PCDHA5: variants seen among roughly 807,000 people sequenced by gnomAD.
PCDHA5 encodes the protein protocadherin alpha 5.
Under a neutral mutation model 61.6 loss-of-function variants are expected in PCDHA5, and 43 were observed. The ratio of observed to expected loss-of-function variants is 0.70; its 90% confidence interval spans 0.55 to 0.90. The LOEUF (loss-of-function observed/expected upper bound fraction) is 0.90, where lower values mean the gene tolerates loss of function less well. Among genes scored for constraint, PCDHA5 ranks in the 40% least tolerant of loss-of-function variants. The pLI, the probability that PCDHA5 is intolerant of heterozygous loss-of-function variation, is 0.00. For synonymous variants in PCDHA5, 627 were observed against 543.9 expected, an observed-to-expected ratio of 1.15 and a Z score of -2.13; for missense variants, 1,298 against 1,222.7, an observed-to-expected ratio of 1.06 and a Z score of -0.92.
chr5:140,931,626 A>G (rs1048704969), intron 1 of PCDHA5, among the ~76,000 whole-genome samples: 1 of 152,052 alleles, frequency 6.6e-6, no homozygotes, highest in Non-Finnish European at 1.5e-5. Flanking sequence ...CTTTTTAGGT[A>G]GCTCATTGGT....
At chr5:140,834,797 G>A in intron 1 of PCDHA5, 3 of 1,613,022 alleles carry the variant, frequency 1.9e-6, no homozygotes, top group South Asian at 1.1e-5. Context: ...CGACACAAAG[G>A]AATCTGTTCA....
chr5:140,897,311 C>T (rs1460942002), intron 1 of PCDHA5, among the ~76,000 whole-genome samples: 7 of 150,308 alleles, frequency 4.7e-5, no homozygotes, highest in Non-Finnish European at 7.4e-5. Context: ...TTAGGTATAT[C>T]TCCTAAAGCT....
chr5:140,829,176 A>C lies in PCDHA5; in HGVS notation c.2352+5049A>C. 4.3e-6 allele frequency: 7 copies of C among 1,614,178 alleles called. No homozygotes were observed. In the South Asian group the frequency reaches 6.6e-5, roughly 15 times the overall value. Reference sequence around the variant, plus strand: ...TCCTTATCCTTGCCTGTACGTGAAGACGCTCAATTTGGTACTGTCATCGCC... The same window carrying C: ...TCCTTATCCTTGCCTGTACGTGAAGCCGCTCAATTTGGTACTGTCATCGCC... On this transcript the variant is annotated intron_variant, in intron 1 of 3. Transcript: ENST00000529859.
rs1554181708 is a variant in PCDHA5, at chr5:140,884,544, G to C, written c.2352+60417G>C. 1.9e-6 allele frequency: 3 copies of C among 1,614,222 alleles called. No individual in the cohort carries two copies. In the Admixed American group the frequency reaches 5.0e-5, roughly 27 times the overall value. On this transcript the variant is annotated intron_variant, in intron 1 of 3. Coordinates refer to ENST00000529859, the MANE Select transcript of PCDHA5 (RefSeq NM_018908.3). Reference sequence around the variant, plus strand: ...TCGCAGCAGAGGCGGCCGAGGGTGTGCTCTGGGGAGGGCCCGCATAAGACG... The same window carrying C: ...TCGCAGCAGAGGCGGCCGAGGGTGTCCTCTGGGGAGGGCCCGCATAAGACG...
At chr5:140,842,323 C>T (rs2150334082) in intron 1 of PCDHA5, 26 of 1,607,134 alleles carry the variant, frequency 1.6e-5, no homozygotes, top group Non-Finnish European at 2.2e-5. Flanking sequence ...CGGGTCATTG[C>T]ACCGTTTTAG....
At chr5:140,836,687 C>A (rs2150267868) in intron 1 of PCDHA5, 2 of 1,613,458 alleles carry the variant, frequency 1.2e-6, no homozygotes, top group Non-Finnish European at 1.7e-6. Context: ...CCAAGACAGA[C>A]CTCATGGCCT....
intron 1 of PCDHA5, among the ~76,000 whole-genome samples, chr5:140,886,851 AG>A (rs2061199020): frequency 6.6e-6 from 1 of 151,608 alleles, no homozygotes; most frequent in South Asian, 2.1e-4. Context: ...AAAAAAAGAA[AG>A]GTCTTCCCAA....
At chr5:140,984,031 CAT>C (rs2153832931) in intron 3 of PCDHA5, among the ~76,000 whole-genome samples, 1 of 152,260 alleles carries the variant, frequency 6.6e-6, no homozygotes, top group South Asian at 2.1e-4. Context: ...AGGGGAAAAA[CAT>C]AAAATAGTTC....
At chr5:140,836,920 G>T in intron 1 of PCDHA5, 1 of 542,350 alleles carries the variant, frequency 1.8e-6, no homozygotes. Context: ...TTTTGTTTTG[G>T]GATGCGTAAT....
chr5:140,851,970 CTACCTT>C, intron 1 of PCDHA5: 3 of 977,062 alleles, frequency 3.1e-6, no homozygotes, highest in Non-Finnish European at 2.5e-6. Context: ...TTTCCACACT[CTACCTT>C]TAGTGCAAGC....
At chr5:140,862,549 C>T in intron 1 of PCDHA5, 3 of 457,652 alleles carry the variant, frequency 6.6e-6, no homozygotes, top group South Asian at 5.1e-5. Context: ...TGGAAGTGGC[C>T]GAACAGTGAA....
intron 1 of PCDHA5, chr5:140,850,562 C>T (rs782715661): frequency 6.3e-7 from 1 of 1,598,314 alleles, no homozygotes; most frequent in Non-Finnish European, 8.6e-7. Context: ...CCACGGGCCC[C>T]GAGGTGACGC....
At chr5:140,993,226 T>G (rs1554253487) in intron 3 of PCDHA5, among the ~76,000 whole-genome samples, 1 of 152,204 alleles carries the variant, frequency 6.6e-6, no homozygotes, top group Non-Finnish European at 1.5e-5. Context: ...TTTGGTATGT[T>G]CTCTCTGAAT....
intron 1 of PCDHA5, chr5:140,863,483 G>A: frequency 4.3e-6 from 2 of 464,772 alleles, no homozygotes; most frequent in Non-Finnish European, 8.6e-6. Context: ...CGCCTCCCAA[G>A]GTCAACATTA....
chr5:140,884,935 A>G lies in PCDHA5; in HGVS notation c.2352+60808A>G, dbSNP rs577267570. ...AATAGTTCTAAGTATTTATCTTGCA[A>G]TTGAGCATTTACAAAAAATTCCTCA... On this transcript the variant is annotated intron_variant, in intron 1 of 3. Coordinates refer to ENST00000529859, the MANE Select transcript of PCDHA5 (RefSeq NM_018908.3). Among the ~76,000 whole-genome samples, 4 of 152,344 alleles carry G rather than the reference A, an allele frequency of 2.6e-5. No homozygotes were observed. In the East Asian group the frequency reaches 5.8e-4, roughly 22 times the overall value.
Position 140,850,981 on chromosome 5 carries a change from T to C in PCDHA5, c.2352+26854T>C, listed in dbSNP as rs1554145152. ...CCAGGGGCCGTTCAAATAGTTTTATTCATTTTTCTAGAAATCCAGCAGATT... is the reference window on the plus strand; with the variant it reads ...CCAGGGGCCGTTCAAATAGTTTTATCCATTTTTCTAGAAATCCAGCAGATT... On this transcript the variant is annotated intron_variant, in intron 1 of 3. Coordinates refer to ENST00000529859, the MANE Select transcript of PCDHA5 (RefSeq NM_018908.3). 1.3e-5 allele frequency: 19 copies of C among 1,453,220 alleles called. No individual in the cohort carries two copies. In the East Asian group the frequency reaches 4.5e-4, roughly 35 times the overall value. 90.0% of individuals were successfully genotyped at this position (1,453,220 alleles called of 1,614,324 possible). A position where few individuals can be genotyped will look rare whatever the true frequency, so the allele number is the denominator to read the frequency against.
In PCDHA5 at chr5:140,852,833, T is replaced by C; in HGVS notation, c.2352+28706T>C. 14 of 971,734 alleles carry C rather than the reference T, an allele frequency of 1.4e-5. 1 individual carries two copies. Among genetic ancestry groups the C allele is most frequent in the Non-Finnish European group, 1.5e-5 (12 of 804,770 alleles). 60.2% of individuals were successfully genotyped at this position (971,734 alleles called of 1,614,324 possible). On this transcript the variant is annotated intron_variant, in intron 1 of 3. Transcript: ENST00000529859. ...CCCGCCCTAAGTCCTCCAGTCTCCT[T>C]AGAGCTAGTACTTACTAAGCATTTA...
intron 3 of PCDHA5, among the ~76,000 whole-genome samples, chr5:140,997,165 G>A (rs1554255769): frequency 6.6e-6 from 1 of 151,976 alleles, no homozygotes; most frequent in African/African-American, 2.4e-5. Flanking sequence ...CCTGCCCAGA[G>A]TGGTACATTC....
chr5:140,897,509 G>T (rs2153456975), intron 1 of PCDHA5, among the ~76,000 whole-genome samples: 1 of 152,062 alleles, frequency 6.6e-6, no homozygotes, highest in East Asian at 1.9e-4. Context: ...CCCTACAAAG[G>T]ACATGAACTC....
Sources: gnomAD v4.1 joint callset for allele counts (sites outside exome capture counted in the v4.1 genomes callset) on GRCh38, gnomAD v4.1.1 for gene constraint, MANE v1.5 for transcripts, NCBI Gene and HGNC (gene_info 2026-07-23, HGNC 2026-07-21) for gene names.